The following EPHA6 variants were observed in gnomAD, a reference collection of about 807,000 sequenced individuals.
EPHA6 encodes the protein ephrin type-A receptor 6.
EPHA6 carries 50 observed loss-of-function variants against 112.0 expected under a neutral mutation model. The observed-to-expected ratio is 0.45, with a 90% CI of 0.36 to 0.56. The LOEUF (loss-of-function observed/expected upper bound fraction) is 0.56, where lower values mean the gene tolerates loss of function less well. Among genes scored for constraint, EPHA6 ranks in the 20% least tolerant of loss-of-function variants. The probability of loss-of-function intolerance (pLI) is 0.00; values close to 1 mark genes in which losing one functional copy is unlikely to be tolerated. For synonymous variants in EPHA6, 529 were observed against 490.7 expected, an observed-to-expected ratio of 1.08 and a Z score of -1.03; for missense variants, 1,280 against 1,417.4, an observed-to-expected ratio of 0.90 and a Z score of 1.56.
chr3:97,390,530 T>C (rs1191745996), intron 5 of EPHA6, among the ~76,000 whole-genome samples: 3 of 151,750 alleles, frequency 2.0e-5, no homozygotes, highest in Non-Finnish European at 4.4e-5. Flanking sequence ...TTATGAATAA[T>C]ATAATTATTC....
chr3:97,729,053 GA>G (rs1164507785), intron 15 of EPHA6, among the ~76,000 whole-genome samples: 1 of 151,922 alleles, frequency 6.6e-6, no homozygotes, highest in African/African-American at 2.4e-5. Flanking sequence ...AGGATTTTAA[GA>G]AAGTTTTTTT....
chr3:97,001,610 CT>C (rs2043666643), intron 3 of EPHA6, among the ~76,000 whole-genome samples: 1 of 151,878 alleles, frequency 6.6e-6, no homozygotes, highest in Non-Finnish European at 1.5e-5. Flanking sequence ...CGTTTTCAAT[CT>C]GAAATTACTA....
intron 10 of EPHA6, among the ~76,000 whole-genome samples, chr3:97,485,419 T>C (rs1280498032): frequency 6.6e-6 from 1 of 152,132 alleles, no homozygotes; most frequent in African/African-American, 2.4e-5. Context: ...ATGAAGCTAA[T>C]CCTGTTTCCC....
intron 3 of EPHA6, among the ~76,000 whole-genome samples, chr3:97,145,119 A>C (rs1480018339): frequency 6.6e-6 from 1 of 151,276 alleles, no homozygotes; most frequent in African/African-American, 2.4e-5. Context: ...AATATAGAGT[A>C]AAAAAAATCC....
rs10557927 is a variant in EPHA6, at chr3:97,213,997, C to CTGTGTG, written c.1115-12230_1115-12225dup. Among the ~76,000 whole-genome samples the CTGTGTG allele has an allele frequency of 9.3e-3, 1,201 of 128,908 alleles. 26 individuals are homozygous for CTGTGTG. The highest frequency in any genetic ancestry group is 0.034 in the African/African-American group (1,084 of 31,422). 84.6% of individuals were successfully genotyped at this position (128,908 alleles called of 152,430 possible). A position where few individuals can be genotyped will look rare whatever the true frequency, so the allele number is the denominator to read the frequency against. On this transcript the variant is annotated intron_variant, in intron 3 of 17. Coordinates refer to ENST00000389672, the MANE Select transcript of EPHA6 (RefSeq NM_001080448.3). ...TTATCTAATCATAATCTCATGTGTT[C>CTGTGTG]TGTGTGTGTGTGTGTGTGTGTGTGT...
chr3:96,979,411 T>C (rs964020525), intron 2 of EPHA6, among the ~76,000 whole-genome samples: 2 of 152,166 alleles, frequency 1.3e-5, no homozygotes, highest in African/African-American at 2.4e-5. Context: ...TAGTATTCCA[T>C]GGTGTATATG....
At chr3:97,424,797 A>T (rs923518414) in intron 6 of EPHA6, among the ~76,000 whole-genome samples, 3 of 141,652 alleles carry the variant, frequency 2.1e-5, no homozygotes, top group Non-Finnish European at 4.6e-5. Flanking sequence ...TAAGAATGAA[A>T]CTCTGTCTCA....
intron 14 of EPHA6, among the ~76,000 whole-genome samples, chr3:97,699,784 A>G (rs918808341): frequency 2.0e-5 from 3 of 152,216 alleles, no homozygotes; most frequent in Non-Finnish European, 4.4e-5. Flanking sequence ...TTTAACCACT[A>G]CTTCCCTTAT....
intron 3 of EPHA6, among the ~76,000 whole-genome samples, chr3:97,183,236 AC>A (rs1280296607): frequency 1.3e-5 from 2 of 152,132 alleles, no homozygotes; most frequent in African/African-American, 4.8e-5. Context: ...GAGTCAATGT[AC>A]TTTCCCAAAT....
chr3:96,890,819 C>T (rs2037912532), intron 2 of EPHA6, among the ~76,000 whole-genome samples: 1 of 152,216 alleles, frequency 6.6e-6, no homozygotes, highest in African/African-American at 2.4e-5. Context: ...GATGTGGTGG[C>T]TCATGCCTGT....
intron 3 of EPHA6, among the ~76,000 whole-genome samples, chr3:97,219,199 T>C (rs554669713): frequency 6.6e-6 from 1 of 152,054 alleles, no homozygotes; most frequent in Non-Finnish European, 1.5e-5. Flanking sequence ...GTCAGTGGTC[T>C]ACCATTCTGG....
At chr3:97,361,745 C>T (rs1414594891) in intron 5 of EPHA6, among the ~76,000 whole-genome samples, 4 of 152,118 alleles carry the variant, frequency 2.6e-5, no homozygotes, top group African/African-American at 9.7e-5. Context: ...ATGGATTAAT[C>T]CCTTCATGAG....
At chr3:97,502,381 C>G (rs2092143732) in intron 10 of EPHA6, among the ~76,000 whole-genome samples, 1 of 151,498 alleles carries the variant, frequency 6.6e-6, no homozygotes, top group African/African-American at 2.4e-5. Context: ...GTTGGGCAGG[C>G]TGGTCTCAAA....
intron 10 of EPHA6, among the ~76,000 whole-genome samples, chr3:97,491,592 G>A (rs1446853016): frequency 5.4e-5 from 8 of 149,176 alleles, no homozygotes; most frequent in African/African-American, 2.0e-4. Flanking sequence ...CATAAAGGGA[G>A]TGTAGTCTCT....
intron 3 of EPHA6, among the ~76,000 whole-genome samples, chr3:97,225,635 C>A (rs1473949475): frequency 6.6e-6 from 1 of 152,034 alleles, no homozygotes; most frequent in Non-Finnish European, 1.5e-5. Context: ...GAATAACCAA[C>A]CTCTTGATAG....
At chr3:97,647,411 C>T (rs923867392) in intron 14 of EPHA6, among the ~76,000 whole-genome samples, 5 of 151,990 alleles carry the variant, frequency 3.3e-5, no homozygotes, top group African/African-American at 7.3e-5. Flanking sequence ...AACTAAAATA[C>T]ATCAAGCTTT....
intron 3 of EPHA6, among the ~76,000 whole-genome samples, chr3:97,133,985 AAC>A (rs1314222184): frequency 2.0e-5 from 3 of 152,046 alleles, no homozygotes; most frequent in Non-Finnish European, 2.9e-5. Flanking sequence ...TAGAAAAGTA[AAC>A]ATATTGGAAC....
chr3:97,155,326 A>C (rs1029374724), intron 3 of EPHA6, among the ~76,000 whole-genome samples: 4 of 152,196 alleles, frequency 2.6e-5, no homozygotes, highest in Non-Finnish European at 5.9e-5. Context: ...AATCTTCCAG[A>C]AGTCATTCAG....
chr3:96,876,867 C>G (rs936970871), intron 2 of EPHA6, among the ~76,000 whole-genome samples: 1 of 151,958 alleles, frequency 6.6e-6, no homozygotes, highest in Non-Finnish European at 1.5e-5. Context: ...CTTATATTGC[C>G]AAAGGTTGAA....
Sources: gnomAD v4.1 joint callset for allele counts (sites outside exome capture counted in the v4.1 genomes callset) on GRCh38, gnomAD v4.1.1 for gene constraint, MANE v1.5 for transcripts, NCBI Gene and HGNC (gene_info 2026-07-23, HGNC 2026-07-21) for gene names.